CPEB3: variants seen among roughly 807,000 people sequenced by gnomAD.
The protein encoded by CPEB3 is cytoplasmic polyadenylation element-binding protein 3.
Under a neutral mutation model 67.2 loss-of-function variants are expected in CPEB3, and 20 were observed. The observed-to-expected ratio is 0.30, with a 90% CI of 0.21 to 0.43. The LOEUF (loss-of-function observed/expected upper bound fraction) is 0.43, where lower values mean the gene tolerates loss of function less well. CPEB3 is among the 20% of genes least tolerant of loss of function. CPEB3 has a pLI of 1.00. For missense variants in CPEB3, 746 were observed against 968.6 expected, an observed-to-expected ratio of 0.77 and a Z score of 3.05; for synonymous variants, 376 against 393.1, an observed-to-expected ratio of 0.96 and a Z score of 0.51.
At chr10:92,247,941 C>A (rs569959698) in intron 1 of CPEB3, among the ~76,000 whole-genome samples, 1 of 152,284 alleles carries the variant, frequency 6.6e-6, no homozygotes, top group African/African-American at 2.4e-5. Context: ...GTCATCTAGG[C>A]TGGAGTGCAG....
intron 8 of CPEB3, among the ~76,000 whole-genome samples, chr10:92,090,137 T>C (rs571480431): frequency 9.8e-5 from 15 of 152,324 alleles, no homozygotes; most frequent in Non-Finnish European, 2.1e-4. Context: ...GTGACTTAGA[T>C]AGACATAAGA....
Position 92,052,053 on chromosome 10 carries a change from A to G in CPEB3, c.*159T>C, listed in dbSNP as rs1188466301. The G allele has an allele frequency of 1.7e-6, 1 of 589,414 alleles. No individual in the cohort carries two copies. Among genetic ancestry groups the G allele is most frequent in the African/African-American group, 1.9e-5 (1 of 53,876 alleles). 36.5% of individuals were successfully genotyped at this position (589,414 alleles called of 1,614,324 possible). On this transcript the variant is annotated 3_prime_UTR_variant, in exon 10 of 10. Transcript: ENST00000265997. ...ACTGGACACTGAGTTCAGTAATATG[A>G]CTGTAAATAATAATAATAATAATAA...
At chr10:92,277,870 G>T (rs1590605522) in intron 1 of CPEB3, among the ~76,000 whole-genome samples, 1 of 151,446 alleles carries the variant, frequency 6.6e-6, no homozygotes, top group East Asian at 1.9e-4. Flanking sequence ...CAGCCTGGGG[G>T]ACAGAGCAAG....
At chr10:92,089,566 C>G (rs1843527620) in intron 8 of CPEB3, among the ~76,000 whole-genome samples, 1 of 152,132 alleles carries the variant, frequency 6.6e-6, no homozygotes, top group African/African-American at 2.4e-5. Flanking sequence ...GCGGGTGAAT[C>G]ATGAGGTCAG....
intron 1 of CPEB3, among the ~76,000 whole-genome samples, chr10:92,267,204 G>C (rs1853098262): frequency 6.6e-6 from 1 of 152,198 alleles, no homozygotes; most frequent in Non-Finnish European, 1.5e-5. Flanking sequence ...TTTTTCTGTA[G>C]CACCACATAG....
chr10:92,073,411 T>C (rs1842826447), intron 9 of CPEB3, among the ~76,000 whole-genome samples: 1 of 151,902 alleles, frequency 6.6e-6, no homozygotes. Flanking sequence ...CCCAGCACTT[T>C]GGGAGGCCAA....
At chr10:92,260,008 T>C (rs1376626796) in intron 1 of CPEB3, among the ~76,000 whole-genome samples, 1 of 152,174 alleles carries the variant, frequency 6.6e-6, no homozygotes, top group Non-Finnish European at 1.5e-5. Context: ...TCTGCTTGAC[T>C]CTACAGCTGT....
chr10:92,148,687 C>T (rs1364785343), intron 4 of CPEB3, among the ~76,000 whole-genome samples: 2 of 152,094 alleles, frequency 1.3e-5, no homozygotes, highest in Admixed American at 6.5e-5. Flanking sequence ...TGTGAGGCAG[C>T]ATCCAGGGAA....
At chr10:92,166,519 G>A (rs1297618179) in intron 4 of CPEB3, among the ~76,000 whole-genome samples, 2 of 152,118 alleles carry the variant, frequency 1.3e-5, no homozygotes, top group African/African-American at 2.4e-5. Context: ...ATTACTGTCC[G>A]GTTCATCTCC....
intron 2 of CPEB3, among the ~76,000 whole-genome samples, chr10:92,200,189 G>A (rs1849450316): frequency 6.6e-6 from 1 of 152,124 alleles, no homozygotes; most frequent in South Asian, 2.1e-4. Flanking sequence ...CTTTAAAATT[G>A]TTGTTAAACA....
chr10:92,166,189 A>G (rs1237620746), intron 4 of CPEB3, among the ~76,000 whole-genome samples: 2 of 149,290 alleles, frequency 1.3e-5, no homozygotes, highest in Non-Finnish European at 3.0e-5. Context: ...GCTCACTGCC[A>G]CTTCCGTCTC....
At chr10:92,130,566 G>C (rs1178292758) in intron 6 of CPEB3, among the ~76,000 whole-genome samples, 1 of 151,644 alleles carries the variant, frequency 6.6e-6, no homozygotes, top group African/African-American at 2.4e-5. Context: ...AAGAGCTGAA[G>C]TCTGCATGGC....
At chr10:92,146,259 CAAT>C (rs1191930132) in intron 4 of CPEB3, among the ~76,000 whole-genome samples, 2 of 152,042 alleles carry the variant, frequency 1.3e-5, no homozygotes, top group Admixed American at 1.3e-4. Flanking sequence ...AAATATAACA[CAAT>C]AATGTCATTT....
chr10:92,285,126 T>C (rs1055822414), intron 1 of CPEB3, among the ~76,000 whole-genome samples: 3 of 152,226 alleles, frequency 2.0e-5, no homozygotes, highest in South Asian at 4.1e-4. Context: ...CTCACTTTTA[T>C]AACAAACCTG....
intron 4 of CPEB3, among the ~76,000 whole-genome samples, chr10:92,155,958 A>T (rs1564824014): frequency 6.6e-6 from 1 of 152,298 alleles, no homozygotes; most frequent in African/African-American, 2.4e-5. Context: ...GATAATTTTT[A>T]AAAATATGAT....
At chr10:92,260,481 G>C (rs1346590555) in intron 1 of CPEB3, among the ~76,000 whole-genome samples, 2 of 150,088 alleles carry the variant, frequency 1.3e-5, no homozygotes, top group African/African-American at 4.9e-5. Context: ...AACCCAGGAA[G>C]CAGAGGTTTC....
intron 1 of CPEB3, among the ~76,000 whole-genome samples, chr10:92,258,187 C>A (rs1313137373): frequency 6.6e-6 from 1 of 151,588 alleles, no homozygotes; most frequent in Non-Finnish European, 1.5e-5. Flanking sequence ...GCAACCTCCA[C>A]CTCCCGGGTT....
At chr10:92,275,070 A>AT (rs1370682533) in intron 1 of CPEB3, among the ~76,000 whole-genome samples, 1 of 152,170 alleles carries the variant, frequency 6.6e-6, no homozygotes, top group Non-Finnish European at 1.5e-5. Flanking sequence ...TCCCAGGTTG[A>AT]TTCTCATGCC....
intron 8 of CPEB3, among the ~76,000 whole-genome samples, chr10:92,085,224 C>T (rs1843322120): frequency 2.0e-5 from 3 of 152,262 alleles, no homozygotes; most frequent in Middle Eastern, 6.8e-3. Context: ...ACGAGGAAGT[C>T]GAGACTTTCC....
Sources: allele counts gnomAD v4.1 joint callset (sites outside exome capture counted in the v4.1 genomes callset), GRCh38; gene constraint gnomAD v4.1.1; transcripts MANE v1.5; gene names NCBI Gene and HGNC (gene_info 2026-07-23, HGNC 2026-07-21).